RNLS: variants seen among roughly 807,000 people sequenced by gnomAD.
RNLS encodes renalase, FAD dependent amine oxidase.
Under a neutral mutation model 39.8 loss-of-function variants are expected in RNLS, and 39 were observed. The observed-to-expected ratio is 0.98, with a 90% confidence interval of 0.76 to 1.28. The LOEUF is 1.28. Ranked by LOEUF, RNLS falls within the 50% of genes most tolerant of loss-of-function variation. The probability of loss-of-function intolerance (pLI) is 0.00; values close to 1 mark genes in which losing one functional copy is unlikely to be tolerated. For synonymous variants in RNLS, 147 were observed against 150.7 expected (o/e 0.98, Z 0.18); for missense variants, 410 against 413.3 (o/e 0.99, Z 0.07).
chr10:88,554,798 A>G (rs1156762921), intron 4 of RNLS, among the ~76,000 whole-genome samples: 1 of 152,038 alleles, frequency 6.6e-6, no homozygotes. Flanking sequence ...TACATAATCA[A>G]TTTTCCCCTT....
intron 5 of RNLS, among the ~76,000 whole-genome samples, chr10:88,352,600 G>T (rs954022476): frequency 6.6e-6 from 1 of 152,196 alleles, no homozygotes; most frequent in Non-Finnish European, 1.5e-5. Context: ...GATTTGGTTT[G>T]CCAGTATCTT....
At chr10:88,479,793 CTTTTTTTTT>C (rs11293313) in intron 4 of RNLS, among the ~76,000 whole-genome samples, 1 of 139,326 alleles carries the variant, frequency 7.2e-6, no homozygotes, top group Admixed American at 7.1e-5. Context: ...TTCTTTTTTT[CTTTTTTTTT>C]TTTTTTAAGT....
intron 4 of RNLS, among the ~76,000 whole-genome samples, chr10:88,391,685 G>T (rs1468428034): frequency 3.9e-5 from 6 of 152,110 alleles, no homozygotes; most frequent in African/African-American, 1.4e-4. Context: ...CAAAATAAGG[G>T]ACTCTGAAAA....
the RNLS span, among the ~76,000 whole-genome samples, chr10:88,235,607 C>T: frequency 6.6e-6 from 1 of 152,072 alleles, no homozygotes; most frequent in Non-Finnish European, 1.5e-5. Flanking sequence ...CTTCATCCAC[C>T]CCTCCACCTA....
intron 5 of RNLS, among the ~76,000 whole-genome samples, chr10:88,340,343 A>G (rs1461326145): frequency 6.6e-6 from 1 of 152,192 alleles, no homozygotes; most frequent in East Asian, 1.9e-4. Context: ...AAGTGCAGGA[A>G]ATAGATTTGG....
At chr10:88,527,225 C>T (rs769159420) in intron 4 of RNLS, among the ~76,000 whole-genome samples, 10 of 152,302 alleles carry the variant, frequency 6.6e-5, no homozygotes, top group Admixed American at 2.6e-4. Flanking sequence ...GCCAGACCTT[C>T]AGCTTCTCCC....
At chr10:88,391,578 T>C (rs1007963382) in intron 4 of RNLS, among the ~76,000 whole-genome samples, 1 of 152,086 alleles carries the variant, frequency 6.6e-6, no homozygotes, top group African/African-American at 2.4e-5. Context: ...AATGTCTTGG[T>C]AGGTTATGTT....
At chr10:88,242,921 T>C in the RNLS span, among the ~76,000 whole-genome samples, 1 of 151,672 alleles carries the variant, frequency 6.6e-6, no homozygotes, top group Admixed American at 6.6e-5. Context: ...CACTCCAGCC[T>C]GGGCAACAAG....
At chr10:88,375,027 A>C (rs1314711648) in intron 4 of RNLS, among the ~76,000 whole-genome samples, 1 of 152,150 alleles carries the variant, frequency 6.6e-6, no homozygotes, top group African/African-American at 2.4e-5. Flanking sequence ...TTTCCTTCTT[A>C]AAGTATATAT....
chr10:88,179,889 C>A, the RNLS span, among the ~76,000 whole-genome samples: 1 of 152,218 alleles, frequency 6.6e-6, no homozygotes, highest in Non-Finnish European at 1.5e-5. Context: ...GTGAATCTTC[C>A]ATAAACAGAA....
At chr10:88,270,329 C>T (rs1208063373), downstream of RNLS, among the ~76,000 whole-genome samples, 1 of 152,140 alleles carries the variant, frequency 6.6e-6, no homozygotes, top group African/African-American at 2.4e-5. Flanking sequence ...CTCCTGGCTG[C>T]TCTCCACATC....
chr10:88,356,305 T>C (rs1160401031), intron 5 of RNLS, among the ~76,000 whole-genome samples: 4 of 152,210 alleles, frequency 2.6e-5, no homozygotes, highest in Admixed American at 1.3e-4. Context: ...TCTTCTGCGT[T>C]ACTCATGCCG....
chr10:88,216,798 G>A, the RNLS span, among the ~76,000 whole-genome samples: 140,054 of 152,294 alleles, frequency 0.92, 64,647 homozygotes, highest in African/African-American at 0.98. Flanking sequence ...AAAAAAACCC[G>A]GGTGTTTAGC....
At chr10:88,255,821 G>A in the RNLS span, among the ~76,000 whole-genome samples, 2 of 152,218 alleles carry the variant, frequency 1.3e-5, no homozygotes, top group Non-Finnish European at 2.9e-5. Context: ...TTGCGTGGAA[G>A]GACTGGTCTC....
the RNLS span, among the ~76,000 whole-genome samples, chr10:88,176,434 A>C: frequency 1.3e-5 from 2 of 152,196 alleles, no homozygotes; most frequent in East Asian, 3.8e-4. Context: ...TTAGCCTCCC[A>C]AAGTGCTGGG....
intron 5 of RNLS, among the ~76,000 whole-genome samples, chr10:88,358,714 C>T (rs1175028760): frequency 1.3e-5 from 2 of 152,214 alleles, no homozygotes; most frequent in Non-Finnish European, 2.9e-5. Context: ...ACTCCCTCTG[C>T]CTAAGGAAAT....
rs1374270807 is a variant in RNLS, at chr10:88,390,897, C to T, written c.527-28172G>A. ...TGTATGTAATGATTTAAGCCTAGGA[C>T]CAAATTCAATCTTACATAAAAAATT... On this transcript the variant is annotated intron_variant, in intron 4 of 6. Coordinates refer to ENST00000331772, the MANE Select transcript of RNLS (RefSeq NM_001031709.3). Among the ~76,000 whole-genome samples the T allele has an allele frequency of 4.6e-5, 7 of 152,110 alleles. No individual in the cohort carries two copies. In the South Asian group the frequency reaches 1.2e-3, roughly 27 times the overall value.
intron 4 of RNLS, among the ~76,000 whole-genome samples, chr10:88,559,245 C>T (rs528747582): frequency 6.6e-6 from 1 of 152,198 alleles, no homozygotes; most frequent in South Asian, 2.1e-4. Context: ...TCATGTTTTA[C>T]GTGTCAGTTT....
At chr10:88,345,353 T>C (rs1004365461) in intron 5 of RNLS, among the ~76,000 whole-genome samples, 5 of 152,162 alleles carry the variant, frequency 3.3e-5, no homozygotes, top group African/African-American at 4.8e-5. Flanking sequence ...AAATTTTTTT[T>C]GGAAAAATTC....
Sources: gnomAD v4.1 joint callset for allele counts (sites outside exome capture counted in the v4.1 genomes callset) on GRCh38, gnomAD v4.1.1 for gene constraint, MANE v1.5 for transcripts, NCBI Gene and HGNC (gene_info 2026-07-23, HGNC 2026-07-21) for gene names.